The following PES1 variants were observed in gnomAD, a reference collection of about 807,000 sequenced individuals.
PES1 encodes the protein pescadillo ribosomal biogenesis factor 1.
In PES1, 31 loss-of-function variants were observed where a neutral mutation model predicts 77.1. The observed-to-expected ratio is 0.40, with a 90% CI of 0.30 to 0.54. The LOEUF is 0.54. PES1 is among the 20% of genes least tolerant of loss of function. PES1 has a pLI of 0.45. For missense variants in PES1, 658 were observed against 771.7 expected, an observed-to-expected ratio of 0.85 and a Z score of 1.75; for synonymous variants, 282 against 303.0, an observed-to-expected ratio of 0.93 and a Z score of 0.72.
chr22:30,579,693 A>C (rs2086951688), intron 12 of PES1, 58 bp downstream of exon 12: 3 of 1,529,534 alleles, frequency 2.0e-6, no homozygotes, highest in Non-Finnish European at 2.7e-6. Context: ...TTGGCAGCTA[A>C]GGGAAACAGC....
chr22:30,579,065 A>C (rs2086942609), intron 13 of PES1, 67 bp from the exon 14 acceptor site: 2 of 1,603,134 alleles, frequency 1.2e-6, no homozygotes, highest in Admixed American at 3.3e-5. Flanking sequence ...CTGGCTCCTG[A>C]CCTTCTAGGC....
chr22:30,603,101 G>T (rs988010640), intron 2 of PES1, among the ~76,000 whole-genome samples: 3 of 152,058 alleles, frequency 2.0e-5, no homozygotes, highest in African/African-American at 4.8e-5. Context: ...AGTAGAGACT[G>T]GGTTTCGCCA....
rs555454703 is a variant in PES1 at position 30,585,543 on chromosome 22, C to T, written c.369-826G>A. 5.3e-5 allele frequency among the ~76,000 whole-genome samples: 8 copies of T among 152,250 alleles called. 1 individual carries two copies. The highest frequency in any genetic ancestry group is 1.9e-4 in the African/African-American group (8 of 41,538). On this transcript the variant is annotated intron_variant, in intron 4 of 14. Transcript: ENST00000354694. ...CGGACAGACAGAGCTTCAAGCCTCT[C>T]TCCCGCAGCCACAGCAGCTGCCAGA...
chr22:30,590,454 T>C (rs541691158), intron 1 of PES1, among the ~76,000 whole-genome samples: 34 of 152,326 alleles, frequency 2.2e-4, no homozygotes, highest in Middle Eastern at 3.4e-3. Flanking sequence ...ATACCCTTCA[T>C]TCATTCTTTC....
At chr22:30,584,781 C>T in intron 4 of PES1, 64 bp from the exon 5 acceptor site, 1 of 1,526,346 alleles carries the variant, frequency 6.6e-7, no homozygotes, top group Non-Finnish European at 9.0e-7. Context: ...GGACCCTGAT[C>T]TCCTTATCCC....
At position 30,586,585 on chromosome 22, in the gene PES1, C is replaced by T. The variant is rs553636578; in HGVS notation, c.368+701G>A. On this transcript the variant is annotated intron_variant, in intron 4 of 14. Coordinates refer to ENST00000354694, the MANE Select transcript of PES1 (RefSeq NM_014303.4). Reference sequence around the variant, plus strand: ...CTCTCTCCACTCAACACCAATAGCACGTCCATCCAAGTCGTGAGAACCAAA... The same window carrying T: ...CTCTCTCCACTCAACACCAATAGCATGTCCATCCAAGTCGTGAGAACCAAA... Among the ~76,000 whole-genome samples the T allele has an allele frequency of 4.1e-4, 62 of 152,300 alleles. No homozygotes were observed. In the South Asian group the frequency reaches 0.012, roughly 28 times the overall value.
At chr22:30,602,154 G>A (rs2087365325) in intron 2 of PES1, among the ~76,000 whole-genome samples, 1 of 152,090 alleles carries the variant, frequency 6.6e-6, no homozygotes, top group African/African-American at 2.4e-5. Flanking sequence ...ATTTCCACTT[G>A]AGGGAGACAC....
intron 2 of PES1, among the ~76,000 whole-genome samples, chr22:30,603,354 TTTTC>T (rs756920109): frequency 2.1e-4 from 32 of 152,040 alleles, no homozygotes; most frequent in Admixed American, 4.6e-4. Context: ...CTCTTCCTCC[TTTTC>T]TTTCTTTCTG....
chr22:30,584,743 G>A, intron 4 of PES1, 26 bp from the exon 5 acceptor site: 4 of 1,611,676 alleles, frequency 2.5e-6, no homozygotes, highest in Non-Finnish European at 3.4e-6. Context: ...GGCAGCACAT[G>A]GGGCCTGTTC....
chr22:30,580,128 G>C lies in PES1; in HGVS notation c.1094C>G (p.Thr365Ser). ...GATGCGGGAGTCTGTGACGTCATAG[G>C]TGGCCCCAATGCACAAAGATTTGTC... ...SWDKSLCIGA[T>S]YDVTDSRITH... Residue 365 changes from threonine (T) to serine (S), a missense_variant, in exon 11 of 15, where the codon ACC becomes AGC. By Grantham distance (58) the Thr-to-Ser change is moderately conservative (BLOSUM62 1). Coordinates refer to ENST00000354694, the MANE Select transcript of PES1 (RefSeq NM_014303.4). 6.2e-7 allele frequency: 1 copy of C among 1,614,060 alleles called. No homozygotes were observed. Among genetic ancestry groups the C allele is most frequent in the Non-Finnish European group, 8.5e-7 (1 of 1,180,002 alleles).
chr22:30,597,677 T>C (rs1411809011), intron 2 of PES1, among the ~76,000 whole-genome samples: 1 of 151,842 alleles, frequency 6.6e-6, no homozygotes, highest in African/African-American at 2.4e-5. Context: ...GGAGAACTTT[T>C]GTGTCTAGCA....
chr22:30,600,550 C>G (rs949905512), intron 2 of PES1, among the ~76,000 whole-genome samples: 6 of 152,116 alleles, frequency 3.9e-5, no homozygotes, highest in African/African-American at 1.4e-4. Context: ...GGTGTGGTGG[C>G]TCATGCCTGT....
upstream of PES1, among the ~76,000 whole-genome samples, chr22:30,595,212 A>G (rs563477768): frequency 2.0e-5 from 3 of 152,076 alleles, no homozygotes; most frequent in South Asian, 6.2e-4. Flanking sequence ...GGTAAGTCCT[A>G]TCAGAATCCA....
upstream of PES1, among the ~76,000 whole-genome samples, chr22:30,594,142 C>G (rs2087222974): frequency 6.6e-6 from 1 of 152,228 alleles, no homozygotes; most frequent in African/African-American, 2.4e-5. Context: ...CCTCAGGGTA[C>G]CTCTCTTCCT....
chr22:30,605,063 A>G (rs1018095179), intron 2 of PES1, among the ~76,000 whole-genome samples: 1 of 151,976 alleles, frequency 6.6e-6, no homozygotes, highest in African/African-American at 2.4e-5. Flanking sequence ...GTCTGATCTC[A>G]GCTCACTGCA....
chr22:30,596,843 C>A (rs994134672), upstream of PES1, among the ~76,000 whole-genome samples: 1 of 152,222 alleles, frequency 6.6e-6, no homozygotes, highest in African/African-American at 2.4e-5. Flanking sequence ...CTCCCTCAGC[C>A]TGCGGGGAGG....
At position 30,576,990 on chromosome 22, in the gene PES1, T is replaced by C. The variant is rs2086909024; in HGVS notation, c.*56A>G. 5 of 1,447,520 alleles carry C rather than the reference T, an allele frequency of 3.5e-6. No homozygotes were observed. In the Admixed American group the frequency reaches 5.0e-5, roughly 15 times the overall value. 89.7% of individuals were successfully genotyped at this position (1,447,520 alleles called of 1,614,324 possible). On this transcript the variant is annotated 3_prime_UTR_variant, in exon 15 of 15. Coordinates refer to ENST00000354694, the MANE Select transcript of PES1 (RefSeq NM_014303.4). ...TCACACTTAGGTCCTCTGGCCTGCC[T>C]CTGCCACATCCAGCTGCTAGGGGCT...
At chr22:30,590,100 G>C (rs891010889) in intron 1 of PES1, among the ~76,000 whole-genome samples, 2 of 152,056 alleles carry the variant, frequency 1.3e-5, no homozygotes, top group African/African-American at 4.8e-5. Flanking sequence ...CTCTATTATG[G>C]TCAAAGCACT....
intron 2 of PES1, among the ~76,000 whole-genome samples, chr22:30,597,482 T>C (rs937455607): frequency 6.6e-6 from 1 of 150,984 alleles, no homozygotes; most frequent in Admixed American, 6.6e-5. Context: ...CTGCGCTCTG[T>C]GTCTAGCTGA....
Sources: gnomAD v4.1 joint callset for allele counts (sites outside exome capture counted in the v4.1 genomes callset) on GRCh38, gnomAD v4.1.1 for gene constraint, MANE v1.5 for transcripts, NCBI Gene and HGNC (gene_info 2026-07-23, HGNC 2026-07-21) for gene names.